Variants in ALG12 observed in about 807,000 individuals in gnomAD.
The protein encoded by ALG12 is ALG12 alpha-1,6-mannosyltransferase, also known as dol-P-Man:Man(7)GlcNAc(2)-PP-Dol alpha-1,6-mannosyltransferase.
Under a neutral mutation model 46.0 loss-of-function variants are expected in ALG12, and 36 were observed. The ratio of observed to expected loss-of-function variants is 0.78; its 90% CI spans 0.60 to 1.03. The LOEUF (loss-of-function observed/expected upper bound fraction) is 1.03. Ranked by LOEUF, ALG12 falls within the 50% of genes least tolerant of loss-of-function variation. The pLI is 0.00. For missense variants in ALG12, 599 were observed against 633.5 expected (o/e 0.95, Z 0.58); for synonymous variants, 326 against 291.6 (o/e 1.12, Z -1.20).
the ALG12 span, chr22:49,884,312 C>T: frequency 1.4e-5 from 23 of 1,613,656 alleles, no homozygotes; most frequent in South Asian, 6.6e-5. Context: ...TCTAAGATCC[C>T]GTCCCCCGAT....
rs2060536445 is a variant in ALG12, at chr22:49,905,253, C to T, written c.993-747G>A. 6.6e-6 allele frequency among the ~76,000 whole-genome samples: 1 copy of T among 152,148 alleles called. No homozygotes were observed. The highest frequency in any genetic ancestry group is 1.5e-5 in the Non-Finnish European group (1 of 68,044). ...AAGATGAGGCTCTTTATTAGCTGGT[C>T]CTTAACGGAAAAGCTTGCCAACCCT... On this transcript the variant is annotated intron_variant, in intron 7 of 9. Coordinates refer to ENST00000330817, the MANE Select transcript of ALG12 (RefSeq NM_024105.4). This position sits in a 1 kb window ranked among gnomAD's most constrained non-coding sequence, Gnocchi z 4.9.
chr22:49,916,367 G>A (rs958951212), intron 1 of ALG12, among the ~76,000 whole-genome samples: 1 of 152,162 alleles, frequency 6.6e-6, no homozygotes, highest in Non-Finnish European at 1.5e-5. Flanking sequence ...TGGATCACAA[G>A]GTCAGGAATT....
chr22:49,885,387 A>G, the ALG12 span: 1,924 of 1,596,276 alleles, frequency 1.2e-3, 14 homozygotes, highest in Admixed American at 0.017. Context: ...CAGACTCCAC[A>G]AAAGTCGTGT....
the ALG12 span, chr22:49,885,495 G>C: frequency 6.2e-7 from 1 of 1,611,628 alleles, no homozygotes. Context: ...ATAGCAACGT[G>C]CTGAAAACTG....
At chr22:49,870,194 G>T in the ALG12 span, among the ~76,000 whole-genome samples, 1 of 152,162 alleles carries the variant, frequency 6.6e-6, no homozygotes, top group Admixed American at 6.5e-5. Flanking sequence ...CCATGGTGTG[G>T]ATATACCACA....
rs373571170 is a variant in ALG12, at chr22:49,909,201, C to T, written c.768+43G>A. On this transcript the variant is annotated intron_variant, in intron 6 of 9. Transcript: ENST00000330817. ...CATGGAGGCCCAGGAGATGTGGCTG[C>T]AGGTCCCACCCATCGCCCTCCTGCA... 930 of 1,585,212 alleles carry T rather than the reference C, an allele frequency of 5.9e-4. 2 individuals are homozygous for T. Among genetic ancestry groups the T allele is most frequent in the South Asian group, 9.4e-4 (85 of 90,502 alleles).
chr22:49,906,487 C>T lies in ALG12; in HGVS notation c.992+1234G>A, dbSNP rs1015605610. Among the ~76,000 whole-genome samples, 6 of 152,176 alleles carry T rather than the reference C, an allele frequency of 3.9e-5. No homozygotes were observed. Among genetic ancestry groups the T allele is most frequent in the Admixed American group, 1.3e-4 (2 of 15,292 alleles). The stretch of plus-strand genomic sequence containing the variant: ...AGCCGGAGGAACCCCCAGCGAGGAA[C>T]AGTCACGGCAGCCAGAGGAGCTCCC... On this transcript the variant is annotated intron_variant, in intron 7 of 9. Coordinates refer to ENST00000330817, the MANE Select transcript of ALG12 (RefSeq NM_024105.4). This position sits in a 1 kb window ranked among gnomAD's most constrained non-coding sequence, Gnocchi z 4.4.
Position 49,903,243 on chromosome 22 carries a change from C to A in ALG12, c.*595G>T. The A allele has an allele frequency of 2.3e-6, 1 of 434,014 alleles. No homozygotes were observed. The highest frequency in any genetic ancestry group is 4.6e-6 in the Non-Finnish European group (1 of 219,266). The allele number at this position is 434,014 out of a possible 1,614,324, so 26.9% of individuals were successfully genotyped here. ...GAGAGGTTCCAATCAACATTTATTG[C>A]CTTATTCTTTTTATCTCATTCCTTT... On this transcript the variant is annotated 3_prime_UTR_variant, in exon 10 of 10. Transcript: ENST00000330817.
At chr22:49,913,909 G>T in intron 1 of ALG12, 66 bp from the exon 2 acceptor site, 1 of 1,025,618 alleles carries the variant, frequency 9.8e-7, no homozygotes, top group Non-Finnish European at 1.5e-6. Context: ...TGGGAGATCC[G>T]GGTAAAGGGT....
At chr22:49,887,236 AC>A in the ALG12 span, 1 of 1,542,462 alleles carries the variant, frequency 6.5e-7, no homozygotes, top group African/African-American at 1.4e-5. Flanking sequence ...AGCAGCCTGT[AC>A]CAGGTCTATG....
intron 1 of ALG12, among the ~76,000 whole-genome samples, chr22:49,915,471 C>A (rs1002222262): frequency 6.6e-6 from 1 of 152,068 alleles, no homozygotes. Context: ...GCAGGAGAAT[C>A]GCTTGAGCCC....
Position 49,907,796 on chromosome 22 carries a change from G to A in ALG12, c.917C>T (p.Pro306Leu). 1.2e-6 allele frequency: 2 copies of A among 1,614,180 alleles called. No homozygotes were observed. The highest frequency in any genetic ancestry group is 1.1e-5 in the South Asian group (1 of 91,082). Residue 306 changes from proline (P) to leucine (L), a missense_variant, in exon 7 of 10, where the codon CCA becomes CTA. By Grantham distance (98) the Pro-to-Leu change is moderately conservative (BLOSUM62 -3). Transcript: ENST00000330817. ...LGFMALYSLL[P>L]HKELRFIIYA... ...GATGATGAAGCGTAGCTCCTTGTGT[G>A]GCAGGAGGGAGTAGAGTGCCATGAA...
chr22:49,867,885 C>T, the ALG12 span, among the ~76,000 whole-genome samples: 1 of 152,238 alleles, frequency 6.6e-6, no homozygotes, highest in East Asian at 1.9e-4. Context: ...CAGACACTTA[C>T]ATGAGCCCAC....
chr22:49,869,121 CAAAAAAAAA>C, the ALG12 span, among the ~76,000 whole-genome samples: 1 of 93,406 alleles, frequency 1.1e-5, no homozygotes, highest in African/African-American at 3.3e-5. Flanking sequence ...AAAACTGTCT[CAAAAAAAAA>C]AAAAAAAGAA....
chr22:49,870,388 T>C, the ALG12 span, among the ~76,000 whole-genome samples: 1 of 152,248 alleles, frequency 6.6e-6, no homozygotes, highest in Admixed American at 6.5e-5. Context: ...TTTAGTTCTT[T>C]GAGAAGACTC....
chr22:49,864,937 G>GCC, the ALG12 span, among the ~76,000 whole-genome samples: 8 of 11,342 alleles, frequency 7.1e-4, no homozygotes, highest in African/African-American at 1.3e-3. Flanking sequence ...ATCCCAGCAA[G>GCC]CCCCCCCCCC....
the ALG12 span, among the ~76,000 whole-genome samples, chr22:49,893,059 T>G: frequency 6.6e-6 from 1 of 152,190 alleles, no homozygotes; most frequent in Admixed American, 6.5e-5. Flanking sequence ...AAGAATTCCC[T>G]AGATGTAGTT....
chr22:49,904,095 C>T, intron 9 of ALG12, 29 bp from the exon 10 acceptor site: 1 of 1,613,998 alleles, frequency 6.2e-7, no homozygotes, highest in Non-Finnish European at 8.5e-7. Context: ...TGGTCCTGCC[C>T]AGGGCCCCCA....
intron 1 of ALG12, among the ~76,000 whole-genome samples, chr22:49,915,260 C>T (rs897368280): frequency 6.6e-6 from 1 of 152,160 alleles, no homozygotes; most frequent in African/African-American, 2.4e-5. Flanking sequence ...GTAATCCCAG[C>T]TCTTTGGGAG....
Sources: allele counts gnomAD v4.1 joint callset (sites outside exome capture counted in the v4.1 genomes callset), GRCh38; gene constraint gnomAD v4.1.1; non-coding constraint Gnocchi (gnomAD v3.1); transcripts MANE v1.5; gene names NCBI Gene and HGNC (gene_info 2026-07-23, HGNC 2026-07-21).